Variants in CLXN observed in about 807,000 individuals in gnomAD.
The protein encoded by CLXN is EF-hand calcium binding domain 1.
the CLXN span, among the ~76,000 whole-genome samples, chr8:48,725,163 T>C: frequency 6.6e-6 from 1 of 152,116 alleles, no homozygotes; most frequent in Non-Finnish European, 1.5e-5. Context: ...AGCCGGGCCT[T>C]GGTTGGGAAC....
At chr8:48,729,792 A>T in the CLXN span, 1 of 1,613,654 alleles carries the variant, frequency 6.2e-7, no homozygotes, top group South Asian at 1.1e-5. Context: ...GCTGTTTGAG[A>T]AGGCTGTTCT....
the CLXN span, chr8:48,715,719 C>T: frequency 6.6e-6 from 1 of 152,252 alleles, no homozygotes; most frequent in Admixed American, 6.5e-5. Flanking sequence ...CTGTCACACC[C>T]CAGCTGGTGC....
the CLXN span, chr8:48,734,524 C>T: frequency 6.6e-6 from 1 of 152,152 alleles, no homozygotes; most frequent in Non-Finnish European, 1.5e-5. Flanking sequence ...AGTTGGGAAC[C>T]CATTCTTTAC....
the CLXN span, among the ~76,000 whole-genome samples, chr8:48,730,305 G>A: frequency 4.6e-5 from 7 of 152,028 alleles, no homozygotes; most frequent in African/African-American, 1.4e-4. Flanking sequence ...TAATGCCTAT[G>A]GTGTCTTCCT....
At chr8:48,735,192 G>GGC in the CLXN span, 1 of 1,611,642 alleles carries the variant, frequency 6.2e-7, no homozygotes. Context: ...GGGGTCTCTG[G>GGC]GCGCGCGGCT....
At chr8:48,729,766 G>A in the CLXN span, 9 of 1,612,474 alleles carry the variant, frequency 5.6e-6, no homozygotes, top group Admixed American at 8.3e-5. Flanking sequence ...TCCTTCATCA[G>A]GGTCTTCCTC....
At chr8:48,716,472 C>G in the CLXN span, 1 of 152,446 alleles carries the variant, frequency 6.6e-6, no homozygotes, top group Non-Finnish European at 1.5e-5. Context: ...CAAGCGCGGA[C>G]AGAGTGGACT....
At chr8:48,713,670 T>G in the CLXN span, 3 of 152,104 alleles carry the variant, frequency 2.0e-5, no homozygotes, top group Non-Finnish European at 4.4e-5. Context: ...TGAATGGGGT[T>G]AGGGCAGGGA....
At chr8:48,724,820 A>G in the CLXN span, 58 of 1,605,594 alleles carry the variant, frequency 3.6e-5, no homozygotes, top group South Asian at 6.3e-4. Flanking sequence ...AAAGGTACTC[A>G]ATTTAGTATA....
the CLXN span, among the ~76,000 whole-genome samples, chr8:48,721,510 A>G: frequency 1.1e-4 from 17 of 152,230 alleles, no homozygotes; most frequent in Non-Finnish European, 7.3e-5. Flanking sequence ...AGCAATCCTG[A>G]GCAAGAGGAA....
chr8:48,712,290 C>T, the CLXN span: 1 of 152,610 alleles, frequency 6.6e-6, no homozygotes, highest in African/African-American at 2.4e-5. Context: ...TCCCCTTCAT[C>T]CACACGAGGC....
At chr8:48,729,070 G>A in the CLXN span, 1 of 1,612,614 alleles carries the variant, frequency 6.2e-7, no homozygotes, top group Non-Finnish European at 8.5e-7. Context: ...TGGCCCAAAG[G>A]CCTCCAGTAG....
the CLXN span, among the ~76,000 whole-genome samples, chr8:48,726,706 CA>C: frequency 7.1e-6 from 1 of 140,070 alleles, no homozygotes; most frequent in African/African-American, 2.7e-5. Context: ...CATCTACCCA[CA>C]CACCTACCTA....
chr8:48,726,870 A>AATCAATCTATCTATCT, the CLXN span, among the ~76,000 whole-genome samples: 2 of 136,334 alleles, frequency 1.5e-5, no homozygotes, highest in African/African-American at 2.8e-5. Context: ...TGCATCTATC[A>AATCAATCTATCTATCT]ATCTATCTAT....
At chr8:48,734,525 C>G in the CLXN span, 3 of 152,142 alleles carry the variant, frequency 2.0e-5, no homozygotes, top group Non-Finnish European at 2.9e-5. Flanking sequence ...GTTGGGAACC[C>G]ATTCTTTACC....
the CLXN span, chr8:48,729,954 C>T: frequency 7.4e-7 from 1 of 1,347,354 alleles, no homozygotes; most frequent in South Asian, 1.4e-5. Context: ...GGGCCAAGTT[C>T]TATCTTGATG....
At chr8:48,731,897 TAGATGTC>T in the CLXN span, among the ~76,000 whole-genome samples, 23 of 152,166 alleles carry the variant, frequency 1.5e-4, no homozygotes, top group Non-Finnish European at 3.1e-4. Context: ...TCCCTGGAAA[TAGATGTC>T]AGATTCATGA....
At chr8:48,727,681 C>T in the CLXN span, among the ~76,000 whole-genome samples, 1 of 152,116 alleles carries the variant, frequency 6.6e-6, no homozygotes, top group Admixed American at 6.5e-5. Flanking sequence ...CACTTCAGAA[C>T]CCTCTGGGGG....
chr8:48,729,362 T>TA, the CLXN span, among the ~76,000 whole-genome samples: 64 of 147,360 alleles, frequency 4.3e-4, no homozygotes, highest in Middle Eastern at 3.5e-3. Flanking sequence ...TCATCTCTAT[T>TA]AAAAAAAAAA....
Sources: gnomAD v4.1 joint callset for allele counts (sites outside exome capture counted in the v4.1 genomes callset) on GRCh38, gnomAD v4.1.1 for gene constraint, MANE v1.5 for transcripts, NCBI Gene and HGNC (gene_info 2026-07-23, HGNC 2026-07-21) for gene names.